The following CPEB3 variants were observed in gnomAD, a reference collection of about 807,000 sequenced individuals.
CPEB3 encodes the protein cytoplasmic polyadenylation element-binding protein 3.
CPEB3 carries 20 observed loss-of-function variants against 67.2 expected under a neutral mutation model. That is an observed-to-expected ratio of 0.30 (90% confidence interval 0.21 to 0.43). The LOEUF (loss-of-function observed/expected upper bound fraction) is 0.43. Ranked by LOEUF, CPEB3 falls within the 20% of genes least tolerant of loss-of-function variation. The pLI is 1.00. For missense variants in CPEB3, 746 were observed against 968.6 expected (o/e 0.77, Z 3.05); for synonymous variants, 376 against 393.1 (o/e 0.96, Z 0.51).
In CPEB3 at chr10:92,047,488, A is replaced by G. The variant is rs1292719770; in HGVS notation, c.*4724T>C. Reference sequence around the variant, plus strand: ...GTTGCTAATATAATAGATAAAATGAAAACTAGCAGTTATTTGCTAATTGCA... The same window carrying G: ...GTTGCTAATATAATAGATAAAATGAGAACTAGCAGTTATTTGCTAATTGCA... On this transcript the variant is annotated 3_prime_UTR_variant, in exon 10 of 10. Coordinates refer to ENST00000265997, the MANE Select transcript of CPEB3 (RefSeq NM_014912.5). The G allele has an allele frequency of 1.3e-5, 2 of 152,264 alleles. No individual in the cohort carries two copies. The highest frequency in any genetic ancestry group is 4.8e-5 in the African/African-American group (2 of 41,476). The allele number at this position is 152,264 out of a possible 1,614,324, so 9.4% of individuals were successfully genotyped here.
At chr10:92,121,561 A>G (rs1845389030) in intron 6 of CPEB3, among the ~76,000 whole-genome samples, 1 of 151,570 alleles carries the variant, frequency 6.6e-6, no homozygotes, top group East Asian at 1.9e-4. Flanking sequence ...AAAAACTACA[A>G]GGTCTCCCAT....
chr10:92,129,967 G>A (rs1447321327), intron 6 of CPEB3, among the ~76,000 whole-genome samples: 3 of 152,134 alleles, frequency 2.0e-5, no homozygotes, highest in Non-Finnish European at 1.5e-5. Flanking sequence ...AGCCCTGGAA[G>A]TCAAGGCTGC....
intron 2 of CPEB3, among the ~76,000 whole-genome samples, chr10:92,214,264 T>A (rs1850234281): frequency 6.6e-6 from 1 of 152,018 alleles, no homozygotes; most frequent in Non-Finnish European, 1.5e-5. Context: ...TGACTTTCCA[T>A]CCCTCTGTCA....
At chr10:92,272,374 T>C (rs1427608467) in intron 1 of CPEB3, 1 of 152,174 alleles carries the variant, frequency 6.6e-6, no homozygotes, top group Non-Finnish European at 1.5e-5. Context: ...CGCAAATTTC[T>C]CCAAAGATCT....
chr10:92,129,809 A>G (rs1204273030), intron 6 of CPEB3, among the ~76,000 whole-genome samples: 2 of 152,196 alleles, frequency 1.3e-5, no homozygotes, highest in African/African-American at 4.8e-5. Flanking sequence ...TGGGAGGCTG[A>G]AGTGAGAGCA....
intron 1 of CPEB3, among the ~76,000 whole-genome samples, chr10:92,285,490 C>T (rs536888493): frequency 9.7e-4 from 148 of 152,188 alleles, no homozygotes; most frequent in African/African-American, 3.5e-3. Context: ...AGGCTGGTCT[C>T]GAACTCCTGA....
At chr10:92,168,182 T>A (rs111588401) in intron 4 of CPEB3, among the ~76,000 whole-genome samples, 9 of 152,096 alleles carry the variant, frequency 5.9e-5, no homozygotes, top group African/African-American at 1.9e-4. Flanking sequence ...GGTCAGAAAA[T>A]TTAGTTGTTA....
chr10:92,176,443 C>T (rs145051711), intron 4 of CPEB3, among the ~76,000 whole-genome samples: 5 of 152,354 alleles, frequency 3.3e-5, no homozygotes, highest in African/African-American at 1.2e-4. Flanking sequence ...TGGGATCTAC[C>T]TAACTCCAGA....
intron 6 of CPEB3, among the ~76,000 whole-genome samples, chr10:92,134,072 G>GC (rs1351897050): frequency 2.6e-5 from 4 of 152,030 alleles, no homozygotes; most frequent in African/African-American, 4.8e-5. Context: ...TACTGAATGG[G>GC]AAAAACTGGA....
chr10:92,289,732 A>AAAATATATAT, intron 1 of CPEB3, among the ~76,000 whole-genome samples: 7 of 75,760 alleles, frequency 9.2e-5, no homozygotes, highest in African/African-American at 2.6e-4. Context: ...AAAAAAAAAA[A>AAAATATATAT]ATATATATAT....
rs536124962 is a variant in CPEB3 at position 92,130,054 on chromosome 10, A to G, written c.1453+12975T>C. ...CCTGTCTCCAAACAAACAAACAAAA[A>G]ACAAATTACAGCCACACTTCCTTCA... On this transcript the variant is annotated intron_variant, in intron 6 of 9. Transcript: ENST00000265997. 3.0e-4 allele frequency among the ~76,000 whole-genome samples: 46 copies of G among 151,794 alleles called. 1 individual carries two copies. In the East Asian group the frequency reaches 8.8e-3, roughly 29 times the overall value.
chr10:92,288,670 A>C (rs1192315045), intron 1 of CPEB3, among the ~76,000 whole-genome samples: 1 of 152,192 alleles, frequency 6.6e-6, no homozygotes, highest in Non-Finnish European at 1.5e-5. Context: ...GCAAACATAA[A>C]ATCCATTTGT....
chr10:92,067,758 C>T (rs1030717343), intron 9 of CPEB3, among the ~76,000 whole-genome samples: 1 of 152,120 alleles, frequency 6.6e-6, no homozygotes, highest in Non-Finnish European at 1.5e-5. Context: ...GCGGAGGTTG[C>T]GGTGAGCCAA....
At chr10:92,218,480 G>A (rs1030072868) in intron 2 of CPEB3, among the ~76,000 whole-genome samples, 2 of 152,154 alleles carry the variant, frequency 1.3e-5, no homozygotes, top group African/African-American at 4.8e-5. Context: ...TCACTGATAC[G>A]ACTTTGCCAT....
intron 1 of CPEB3, among the ~76,000 whole-genome samples, chr10:92,269,361 ATACCAATTAGTATTTT>A: frequency 6.6e-6 from 1 of 152,304 alleles, no homozygotes; most frequent in South Asian, 2.1e-4. Flanking sequence ...GCTAATTAGC[ATACCAATTAGTATTTT>A]TATTAAAATA....
chr10:92,283,053 A>G (rs561924887), intron 1 of CPEB3, among the ~76,000 whole-genome samples: 1 of 152,260 alleles, frequency 6.6e-6, no homozygotes, highest in South Asian at 2.1e-4. Flanking sequence ...GAATTTGAGG[A>G]CAGTTTGGGC....
At chr10:92,082,019 T>C (rs1264693152) in intron 8 of CPEB3, among the ~76,000 whole-genome samples, 1 of 152,162 alleles carries the variant, frequency 6.6e-6, no homozygotes. Context: ...ATCTCCACAA[T>C]TTAAAAAAAT....
At chr10:92,139,559 A>G (rs1447263999) in intron 6 of CPEB3, among the ~76,000 whole-genome samples, 2 of 152,048 alleles carry the variant, frequency 1.3e-5, no homozygotes, top group Non-Finnish European at 2.9e-5. Context: ...GGGTGGGTAA[A>G]AGTGGGCATG....
intron 9 of CPEB3, among the ~76,000 whole-genome samples, chr10:92,058,561 A>ATACG (rs1229054008): frequency 8.7e-6 from 1 of 114,814 alleles, no homozygotes; most frequent in African/African-American, 2.9e-5. Context: ...AAATACATAC[A>ATACG]TACATACATA....
Sources: gnomAD v4.1 joint callset for allele counts (sites outside exome capture counted in the v4.1 genomes callset) on GRCh38, gnomAD v4.1.1 for gene constraint, MANE v1.5 for transcripts, NCBI Gene and HGNC (gene_info 2026-07-23, HGNC 2026-07-21) for gene names.